The following TMTC2 variants were observed in gnomAD, a reference collection of about 807,000 sequenced individuals.
TMTC2 encodes protein O-mannosyl-transferase TMTC2.
In TMTC2, 43 loss-of-function variants were observed where a neutral mutation model predicts 82.4. The observed-to-expected ratio is 0.52, with a 90% confidence interval of 0.41 to 0.67. TMTC2 has a LOEUF of 0.67. TMTC2 is among the 30% of genes least tolerant of loss of function. The probability of loss-of-function intolerance (pLI) is 0.00; values close to 1 mark genes in which losing one functional copy is unlikely to be tolerated. For missense variants in TMTC2, 919 were observed against 1,012.4 expected (o/e 0.91, Z 1.25); for synonymous variants, 408 against 381.9 (o/e 1.07, Z -0.80).
At chr12:82,774,894 G>A (rs1161838272) in intron 1 of TMTC2, among the ~76,000 whole-genome samples, 1 of 151,988 alleles carries the variant, frequency 6.6e-6, no homozygotes, top group East Asian at 1.9e-4. Flanking sequence ...AGCTGACAGG[G>A]AGGGTGAGAA....
intron 1 of TMTC2, among the ~76,000 whole-genome samples, chr12:82,703,155 T>A (rs1873161538): frequency 6.6e-6 from 1 of 152,180 alleles, no homozygotes; most frequent in South Asian, 2.1e-4. Flanking sequence ...TGAGCAATGA[T>A]CATACCACTG....
intron 1 of TMTC2, among the ~76,000 whole-genome samples, chr12:82,855,365 C>T (rs1025559376): frequency 2.6e-5 from 4 of 152,108 alleles, no homozygotes; most frequent in African/African-American, 4.8e-5. Context: ...ACCTGCTTTT[C>T]GGTAATACTC....
chr12:82,849,141 G>A (rs1196691266), intron 1 of TMTC2, among the ~76,000 whole-genome samples: 1 of 152,070 alleles, frequency 6.6e-6, no homozygotes, highest in Non-Finnish European at 1.5e-5. Context: ...GCTGGTATTA[G>A]AGTTACATTG....
intron 3 of TMTC2, among the ~76,000 whole-genome samples, chr12:82,904,645 C>A (rs1180448044): frequency 2.0e-5 from 3 of 152,184 alleles, no homozygotes; most frequent in Admixed American, 2.0e-4. Flanking sequence ...TCTGATGACG[C>A]CTTAATGAGC....
chr12:82,918,963 G>T (rs908142342), intron 3 of TMTC2, among the ~76,000 whole-genome samples: 3 of 152,158 alleles, frequency 2.0e-5, no homozygotes, highest in African/African-American at 7.2e-5. Flanking sequence ...TCACCATGTT[G>T]GCCAGGCTGG....
chr12:82,731,190 A>G (rs1051389294), intron 1 of TMTC2, among the ~76,000 whole-genome samples: 2 of 152,224 alleles, frequency 1.3e-5, no homozygotes, highest in Non-Finnish European at 1.5e-5. Context: ...AAAGCATACC[A>G]CTTGATAGTT....
intron 7 of TMTC2, among the ~76,000 whole-genome samples, chr12:82,976,461 A>G (rs1878680613): frequency 1.3e-5 from 2 of 152,130 alleles, no homozygotes; most frequent in African/African-American, 2.4e-5. Flanking sequence ...CTACACTTTC[A>G]GACTTCAAGA....
intron 1 of TMTC2, among the ~76,000 whole-genome samples, chr12:82,692,441 A>G (rs547905063): frequency 1.1e-4 from 17 of 152,316 alleles, no homozygotes; most frequent in Admixed American, 4.6e-4. Flanking sequence ...CACTAAAAGC[A>G]CTTTTCAAAA....
chr12:82,896,191 C>T lies in TMTC2; in HGVS notation c.1028C>T (p.Thr343Ile). 1 of 1,613,972 alleles carries T rather than the reference C, an allele frequency of 6.2e-7. No homozygotes were observed. ...AGAGAATGCAATGGGAAAACTGTAA[C>T]AAATGGCAAGCAGAATGCAAATGGA... ...VDRECNGKTV[T>I]NGKQNANGHS... Residue 343 changes from threonine to isoleucine, a missense_variant, in exon 3 of 12, where the codon ACA becomes ATA. Physicochemically the swap from Thr to Ile is moderately conservative, Grantham distance 89. Transcript: ENST00000321196.
At chr12:83,103,465 C>T (rs976214548) in intron 11 of TMTC2, among the ~76,000 whole-genome samples, 7 of 152,056 alleles carry the variant, frequency 4.6e-5, no homozygotes, top group Admixed American at 1.3e-4. Flanking sequence ...TTTCGGATCT[C>T]GGAAGGTAAA....
chr12:83,032,260 TATATATATATATATA>T (rs1565861610), intron 9 of TMTC2, among the ~76,000 whole-genome samples: 7 of 7,646 alleles, frequency 9.2e-4, no homozygotes, highest in East Asian at 4.1e-3. Flanking sequence ...GAATATTTTA[TATATATATATATATA>T]TATATATATA....
rs371712318 is a variant in TMTC2, at chr12:83,057,795, C to T, written c.2268-3973C>T. Reference sequence around the variant, plus strand: ...TGAAATATTATCTTTTGTATGTATCCGTGGTTTTTATATTAATTTTTAATT... The same window carrying T: ...TGAAATATTATCTTTTGTATGTATCTGTGGTTTTTATATTAATTTTTAATT... On this transcript the variant is annotated intron_variant, in intron 10 of 11. Transcript: ENST00000321196. Among the ~76,000 whole-genome samples, 8 of 151,624 alleles carry T rather than the reference C, an allele frequency of 5.3e-5. No individual in the cohort carries two copies. The East Asian group carries it at 1.2e-3, about 22-fold the overall frequency.
intron 9 of TMTC2, among the ~76,000 whole-genome samples, chr12:83,035,876 A>C (rs1321174546): frequency 6.6e-6 from 1 of 152,188 alleles, no homozygotes; most frequent in African/African-American, 2.4e-5. Context: ...ATTTGGTGTC[A>C]ATTGAAACAA....
At chr12:83,108,523 G>A (rs560836783) in intron 11 of TMTC2, among the ~76,000 whole-genome samples, 13 of 152,064 alleles carry the variant, frequency 8.5e-5, no homozygotes, top group East Asian at 5.8e-4. Context: ...CCGGCTACTC[G>A]GGAGGCTGAG....
At chr12:83,067,300 T>C (rs1321944881) in intron 11 of TMTC2, among the ~76,000 whole-genome samples, 5 of 152,010 alleles carry the variant, frequency 3.3e-5, no homozygotes, top group Admixed American at 6.6e-5. Context: ...GTAAGACTTA[T>C]GCAGTAATGA....
chr12:82,995,530 A>G (rs894310192), intron 8 of TMTC2, among the ~76,000 whole-genome samples: 4 of 152,174 alleles, frequency 2.6e-5, no homozygotes, highest in African/African-American at 9.7e-5. Context: ...AGCAACCTGA[A>G]GCATGAAGCC....
At chr12:83,033,868 G>GTA (rs10536038) in intron 9 of TMTC2, among the ~76,000 whole-genome samples, 61 of 147,768 alleles carry the variant, frequency 4.1e-4, no homozygotes, top group African/African-American at 8.0e-4. Context: ...ATGTGTATGT[G>GTA]TATATATATA....
Position 82,856,964 on chromosome 12 carries a change from C to T in TMTC2, c.84-46C>T, listed in dbSNP as rs1341441522. 3.9e-6 allele frequency: 6 copies of T among 1,534,852 alleles called. No homozygotes were observed. In the Admixed American group the frequency reaches 5.9e-5, roughly 15 times the overall value. ...CTTATCAATGTCATATTTTTTCTTT[C>T]TTTCTGTGTTTTACATTTGATTTTT... On this transcript the variant is annotated intron_variant, in intron 1 of 11. Coordinates refer to ENST00000321196, the MANE Select transcript of TMTC2 (RefSeq NM_152588.3).
chr12:83,132,098 A>G, intron 11 of TMTC2, 112 bp from the exon 12 acceptor site: 4 of 1,287,222 alleles, frequency 3.1e-6, no homozygotes, highest in Non-Finnish European at 3.1e-6. Context: ...CTTTCACAAA[A>G]TGCCTCTAGA....
Sources: allele counts gnomAD v4.1 joint callset (sites outside exome capture counted in the v4.1 genomes callset), GRCh38; gene constraint gnomAD v4.1.1; transcripts MANE v1.5; gene names NCBI Gene and HGNC (gene_info 2026-07-23, HGNC 2026-07-21).